SERINC5: variants seen among roughly 807,000 people sequenced by gnomAD.
The protein encoded by SERINC5 is serine incorporator 5, also known as chromosome 5 open reading frame 12.
SERINC5 carries 41 observed loss-of-function variants against 63.1 expected under a neutral mutation model. The ratio of observed to expected loss-of-function variants is 0.65; its 90% CI spans 0.51 to 0.84. The LOEUF (loss-of-function observed/expected upper bound fraction) is 0.84, where lower values mean the gene tolerates loss of function less well. Ranked by LOEUF, SERINC5 falls within the 40% of genes least tolerant of loss-of-function variation. The pLI is 0.00. For synonymous variants in SERINC5, 222 were observed against 215.2 expected (o/e 1.03, Z -0.28); for missense variants, 523 against 573.0 (o/e 0.91, Z 0.89).
At chr5:80,156,939 T>C (rs1055927789) in intron 8 of SERINC5, 6 of 152,162 alleles carry the variant, frequency 3.9e-5, no homozygotes, top group Middle Eastern at 6.8e-3. Flanking sequence ...ATCTTTTCCA[T>C]TGAAGGGTTT....
intron 1 of SERINC5, among the ~76,000 whole-genome samples, chr5:80,235,660 G>C (rs191303631): frequency 6.6e-6 from 1 of 152,238 alleles, no homozygotes; most frequent in Non-Finnish European, 1.5e-5. Flanking sequence ...GCAGTGGCAT[G>C]ATCTTGGCTC....
downstream of SERINC5, among the ~76,000 whole-genome samples, chr5:80,135,268 A>T (rs1483431440): frequency 6.6e-5 from 10 of 152,308 alleles, no homozygotes; most frequent in East Asian, 1.7e-3. Flanking sequence ...TCCCAGCCTC[A>T]AGTGATCCTC....
chr5:80,166,568 C>A, intron 6 of SERINC5, 90 bp from the exon 7 acceptor site: 1 of 768,410 alleles, frequency 1.3e-6, no homozygotes, highest in Non-Finnish European at 2.2e-6. Flanking sequence ...CATGACAGTC[C>A]TCAAACTTGA....
At chr5:80,220,302 C>T (rs1459207169) in intron 1 of SERINC5, among the ~76,000 whole-genome samples, 1 of 151,844 alleles carries the variant, frequency 6.6e-6, no homozygotes, top group African/African-American at 2.4e-5. Flanking sequence ...TTTAAAATTA[C>T]AAGGCAGAAG....
intron 11 of SERINC5, among the ~76,000 whole-genome samples, chr5:80,127,647 TTA>T (rs768198409): frequency 1.3e-5 from 2 of 152,094 alleles, no homozygotes; most frequent in African/African-American, 4.8e-5. Context: ...TATATTTAAA[TTA>T]TATGTTTTAA....
rs755192324 is a variant in SERINC5 at position 80,140,792 on chromosome 5, C to A, written c.*2871G>T. 2.0e-4 allele frequency: 193 copies of A among 985,162 alleles called. No individual in the cohort carries two copies. Among genetic ancestry groups the A allele is most frequent in the Non-Finnish European group, 2.3e-4 (188 of 829,902 alleles). The allele number at this position is 985,162 out of a possible 1,614,324, so 61.0% of individuals were successfully genotyped here. On this transcript the variant is annotated 3_prime_UTR_variant, in exon 12 of 12. Coordinates refer to ENST00000507668, the MANE Select transcript of SERINC5 (RefSeq NM_001174072.3). ...GAGGGGAAAACTTTTCTACATCAGA[C>A]AAATCACACAGAGGAAATATTCACA...
chr5:80,240,564 G>A (rs1485548065), intron 1 of SERINC5, among the ~76,000 whole-genome samples: 2 of 152,140 alleles, frequency 1.3e-5, no homozygotes, highest in African/African-American at 4.8e-5. Context: ...ATGTCATGTT[G>A]TATTGTAGCA....
At position 80,146,145 on chromosome 5, in the gene SERINC5, A is replaced by G; in HGVS notation, c.1183T>C (p.Phe395Leu). 6.2e-7 allele frequency: 1 copy of G among 1,614,048 alleles called. No homozygotes were observed. Among genetic ancestry groups the G allele is most frequent in the Non-Finnish European group, 8.5e-7 (1 of 1,179,872 alleles). Reference sequence around the variant, plus strand: ...TACAGGGAAGCTAGGAAGAACACGAAGTGGAAGTAGGAGTAGATGTAGACG... The same window carrying G: ...TACAGGGAAGCTAGGAAGAACACGAGGTGGAAGTAGGAGTAGATGTAGACG... ...GTVYIYSYFHFVFFLASLYVM... is the reference protein window; with the variant it reads ...GTVYIYSYFHLVFFLASLYVM... The change falls in exon 11 of 12, where the codon TTC becomes CTC. Residue 395 changes from phenylalanine to leucine, a missense_variant. Transcript: ENST00000507668.
intron 1 of SERINC5, among the ~76,000 whole-genome samples, chr5:80,253,083 C>T (rs924892339): frequency 6.6e-6 from 1 of 152,176 alleles, no homozygotes; most frequent in Non-Finnish European, 1.5e-5. Flanking sequence ...CTCAGTAATG[C>T]GATCATCATC....
intron 11 of SERINC5, among the ~76,000 whole-genome samples, chr5:80,120,896 CTTTTT>C (rs967523999): frequency 6.6e-6 from 1 of 151,746 alleles, no homozygotes; most frequent in Non-Finnish European, 1.5e-5. Context: ...GAGGCTTTTT[CTTTTT>C]TTTGAGACAG....
At chr5:80,192,983 C>T (rs1561413076) in intron 2 of SERINC5, among the ~76,000 whole-genome samples, 2 of 152,190 alleles carry the variant, frequency 1.3e-5, no homozygotes, top group Non-Finnish European at 2.9e-5. Context: ...AGGCTCCTTC[C>T]AGACACACTT....
intron 1 of SERINC5, among the ~76,000 whole-genome samples, chr5:80,210,885 C>A (rs1041457620): frequency 6.6e-6 from 1 of 152,234 alleles, no homozygotes; most frequent in South Asian, 2.1e-4. Context: ...CATCTCACAT[C>A]CAACGGATGG....
chr5:80,243,191 C>T (rs1752023530), intron 1 of SERINC5, among the ~76,000 whole-genome samples: 1 of 152,110 alleles, frequency 6.6e-6, no homozygotes, highest in Non-Finnish European at 1.5e-5. Flanking sequence ...TTTAGTTCTA[C>T]AATTATTTTT....
intron 2 of SERINC5, among the ~76,000 whole-genome samples, chr5:80,192,724 C>A (rs1396734676): frequency 6.6e-6 from 1 of 152,174 alleles, no homozygotes; most frequent in African/African-American, 2.4e-5. Flanking sequence ...AATTTTAAAA[C>A]CACACCACCA....
intron 1 of SERINC5, among the ~76,000 whole-genome samples, chr5:80,212,660 TGG>T (rs957807414): frequency 2.1e-4 from 14 of 66,988 alleles, no homozygotes; most frequent in East Asian, 3.4e-4. Context: ...AGGGCAGTGG[TGG>T]GGTGGGGGGG....
intron 1 of SERINC5, among the ~76,000 whole-genome samples, chr5:80,237,977 G>C (rs759767022): frequency 4.6e-5 from 7 of 151,204 alleles, no homozygotes; most frequent in African/African-American, 1.7e-4. Flanking sequence ...GGTGGCGCGC[G>C]CCTGTAGTCC....
At chr5:80,251,279 AATACATACATGC>A (rs76956107) in intron 1 of SERINC5, among the ~76,000 whole-genome samples, 26,933 of 133,700 alleles carry the variant, frequency 0.2, 2,640 homozygotes, top group Non-Finnish European at 0.21. Context: ...CCCATCTTTA[AATACATACATGC>A]ATACATACAT....
chr5:80,239,307 A>G (rs1286083925), intron 1 of SERINC5, among the ~76,000 whole-genome samples: 1 of 152,170 alleles, frequency 6.6e-6, no homozygotes, highest in Non-Finnish European at 1.5e-5. Context: ...CAATGGTTCT[A>G]ATTTCAAACT....
At chr5:80,152,711 C>G (rs1370058025) in intron 8 of SERINC5, among the ~76,000 whole-genome samples, 1 of 152,108 alleles carries the variant, frequency 6.6e-6, no homozygotes, top group Non-Finnish European at 1.5e-5. Context: ...GAGGCCAAGG[C>G]GGGTGGATCC....
Sources: gnomAD v4.1 joint callset for allele counts (sites outside exome capture counted in the v4.1 genomes callset) on GRCh38, gnomAD v4.1.1 for gene constraint, MANE v1.5 for transcripts, NCBI Gene and HGNC (gene_info 2026-07-23, HGNC 2026-07-21) for gene names.